TIAM1: variants seen among roughly 807,000 people sequenced by gnomAD.
The protein encoded by TIAM1 is TIAM Rac1 associated GEF 1, also known as rho guanine nucleotide exchange factor TIAM1.
Under a neutral mutation model 163.5 loss-of-function variants are expected in TIAM1, and 65 were observed. The ratio of observed to expected loss-of-function variants is 0.40; its 90% confidence interval spans 0.33 to 0.49. The LOEUF (loss-of-function observed/expected upper bound fraction) is 0.49, where lower values mean the gene tolerates loss of function less well. TIAM1 is among the 20% of genes least tolerant of loss of function. The pLI, the probability that TIAM1 is intolerant of heterozygous loss-of-function variation, is 0.77. For missense variants in TIAM1, 1,789 were observed against 2,044.7 expected, an observed-to-expected ratio of 0.87 and a Z score of 2.41; for synonymous variants, 833 against 810.1, an observed-to-expected ratio of 1.03 and a Z score of -0.48.
At chr21:31,241,924 T>C (rs1601673079) in intron 6 of TIAM1, among the ~76,000 whole-genome samples, 1 of 152,194 alleles carries the variant, frequency 6.6e-6, no homozygotes, top group East Asian at 1.9e-4. Flanking sequence ...GTGGGAAGAT[T>C]GCTTGAGTCC....
At chr21:31,195,381 C>G in intron 12 of TIAM1, 76 bp from the exon 13 acceptor site, 1 of 1,082,088 alleles carries the variant, frequency 9.2e-7, no homozygotes, top group Non-Finnish European at 1.4e-6. Context: ...TTTCATAAAT[C>G]TATTTTTTCA....
In TIAM1 at chr21:31,279,993, C is replaced by T. The variant is rs575905860; in HGVS notation, c.-188-3085G>A. 9.9e-5 allele frequency among the ~76,000 whole-genome samples: 15 copies of T among 151,760 alleles called. No homozygotes were observed. In the South Asian group the frequency reaches 1.9e-3, roughly 19 times the overall value. On this transcript the variant is annotated intron_variant, in intron 2 of 27. Coordinates refer to ENST00000541036, the MANE Select transcript of TIAM1 (RefSeq NM_001353694.2). ...GGTCTACTCAATCGGCTACAGCTCA[C>T]ACAGACACACAGACACACACAGACA...
At chr21:31,202,865 T>TAATCTCC (rs1048305802) in intron 12 of TIAM1, 43 bp downstream of exon 12, 29 of 1,533,888 alleles carry the variant, frequency 1.9e-5, no homozygotes, top group African/African-American at 2.7e-5. Flanking sequence ...AATTTGAAGA[T>TAATCTCC]AATCTCCCAT....
At position 31,417,539 on chromosome 21, in the gene TIAM1, A is replaced by G. The variant is rs570468263; in HGVS notation, c.-369+46444T>C. 1.3e-4 allele frequency among the ~76,000 whole-genome samples: 20 copies of G among 152,328 alleles called. 1 individual carries two copies. The South Asian group carries it at 3.5e-3, about 27-fold the overall frequency. On this transcript the variant is annotated intron_variant, in intron 2 of 28. Transcript: ENST00000286827. ...GAACAGTACGGGGGAAACCACCCCC[A>G]TGATTCAATTATCTCCCACTGGGTC...
intron 1 of TIAM1, among the ~76,000 whole-genome samples, chr21:31,551,546 C>T (rs2048688120): frequency 6.6e-6 from 1 of 151,612 alleles, no homozygotes; most frequent in South Asian, 2.1e-4. Flanking sequence ...CAAGACCAGC[C>T]TGAGCACTAT....
rs760273681 is a variant in TIAM1 at position 31,252,014 on chromosome 21, C to A, written c.1139G>T (p.Arg380Leu). The A allele has an allele frequency of 6.2e-7, 1 of 1,613,952 alleles. No individual in the cohort carries two copies. Among genetic ancestry groups the A allele is most frequent in the South Asian group, 1.1e-5 (1 of 91,080 alleles). ...SGSSSTGDAA[R>L]QGVYENFRRE... ...CCGGAAGTTCTCGTACACCCCCTGA[C>A]GAGCCGCATCCCCGGTGGAGCTGCT... Residue 380 changes from arginine (R) to leucine (L), a missense_variant, in exon 5 of 28, where the codon CGT becomes CTT. By Grantham distance (102) the Arg-to-Leu change is moderately radical (BLOSUM62 -2). Transcript: ENST00000541036.
At chr21:31,343,066 C>T (rs1370501885) in intron 1 of TIAM1, among the ~76,000 whole-genome samples, 1 of 152,226 alleles carries the variant, frequency 6.6e-6, no homozygotes, top group African/African-American at 2.4e-5. Flanking sequence ...AGGAGCCACA[C>T]ATTTTTCACC....
chr21:31,268,439 G>A (rs913757092), intron 3 of TIAM1, among the ~76,000 whole-genome samples: 3 of 152,208 alleles, frequency 2.0e-5, no homozygotes, highest in African/African-American at 4.8e-5. Context: ...AGGCTAAAAC[G>A]TTGCTGAAAC....
intron 2 of TIAM1, among the ~76,000 whole-genome samples, chr21:31,279,574 T>C (rs1296892224): frequency 6.6e-6 from 1 of 152,180 alleles, no homozygotes; most frequent in African/African-American, 2.4e-5. Flanking sequence ...AATCTTTACT[T>C]TCAGCGTGAC....
At chr21:31,285,808 C>A (rs1018816002) in intron 2 of TIAM1, among the ~76,000 whole-genome samples, 1 of 151,994 alleles carries the variant, frequency 6.6e-6, no homozygotes, top group African/African-American at 2.4e-5. Flanking sequence ...CTGCAGTGAG[C>A]GAAGATCACA....
At chr21:31,543,285 C>CA (rs2048376578) in intron 1 of TIAM1, among the ~76,000 whole-genome samples, 1 of 152,352 alleles carries the variant, frequency 6.6e-6, no homozygotes, top group Admixed American at 6.5e-5. Flanking sequence ...CTTCTCGTCC[C>CA]ACAGCCGCCA....
chr21:31,403,234 G>A (rs996030260), intron 2 of TIAM1, among the ~76,000 whole-genome samples: 3 of 152,014 alleles, frequency 2.0e-5, no homozygotes, highest in East Asian at 3.9e-4. Context: ...TGCAACCTCC[G>A]CCTCTCCGGT....
chr21:31,395,699 AG>A lies in TIAM1; in HGVS notation c.-368-56278del, dbSNP rs752466093. ...ATTGACTAAAACATCTATCTTGGGG[AG>A]GGGGCGCATGCGTTCCCCTGGCTGT... On this transcript the variant is annotated intron_variant, in intron 2 of 28. Coordinates refer to the TIAM1 transcript ENST00000286827. The surrounding 1 kb of genome is among the most constrained non-coding windows in gnomAD (Gnocchi z 7.5). Among the ~76,000 whole-genome samples the A allele has an allele frequency of 2.7e-4, 41 of 152,226 alleles. No homozygotes were observed. The highest frequency in any genetic ancestry group is 6.2e-4 in the South Asian group (3 of 4,820).
intron 1 of TIAM1, among the ~76,000 whole-genome samples, chr21:31,509,234 C>T (rs533537914): frequency 1.8e-4 from 28 of 152,274 alleles, no homozygotes; most frequent in African/African-American, 6.0e-4. Context: ...GGGAGACTCA[C>T]CCATTTAGGG....
rs553080555 is a variant in TIAM1 at position 31,335,441 on chromosome 21, G to A, written c.-189+3802C>T. ...TCAGAAATAAACTCAAGCCAGGTGC[G>A]GTGGCTCATGCTTGTAATCCCGGGA... On this transcript the variant is annotated intron_variant, in intron 2 of 27. Coordinates refer to ENST00000541036, the MANE Select transcript of TIAM1 (RefSeq NM_001353694.2). Among the ~76,000 whole-genome samples the A allele has an allele frequency of 4.2e-4, 64 of 152,208 alleles. 1 individual carries two copies. The highest frequency in any genetic ancestry group is 3.8e-4 in the Non-Finnish European group (26 of 68,002).
intron 12 of TIAM1, among the ~76,000 whole-genome samples, chr21:31,197,539 CTTTT>C (rs58141765): frequency 8.1e-6 from 1 of 123,258 alleles, no homozygotes; most frequent in Non-Finnish European, 1.6e-5. Flanking sequence ...CCGCGCCCGG[CTTTT>C]TTTTTTTTTT....
intron 4 of TIAM1, among the ~76,000 whole-genome samples, chr21:31,262,283 C>A (rs1376620363): frequency 6.6e-6 from 1 of 152,200 alleles, no homozygotes; most frequent in Admixed American, 6.5e-5. Context: ...CTCAAAGTTG[C>A]AAGCTCAGAT....
intron 14 of TIAM1, among the ~76,000 whole-genome samples, chr21:31,182,974 C>T (rs1254065164): frequency 2.6e-5 from 4 of 152,166 alleles, no homozygotes; most frequent in South Asian, 2.1e-4. Context: ...ACTTTTGGGG[C>T]GGGGCGAGCG....
intron 2 of TIAM1, among the ~76,000 whole-genome samples, chr21:31,312,778 C>T (rs2074979602): frequency 6.6e-6 from 1 of 152,080 alleles, no homozygotes; most frequent in Non-Finnish European, 1.5e-5. Flanking sequence ...GCTCCTTTCC[C>T]GGAGGATTCT....
Sources: gnomAD v4.1 joint callset for allele counts (sites outside exome capture counted in the v4.1 genomes callset) on GRCh38, gnomAD v4.1.1 for gene constraint, Gnocchi (gnomAD v3.1) non-coding constraint, MANE v1.5 for transcripts, NCBI Gene and HGNC (gene_info 2026-07-23, HGNC 2026-07-21) for gene names.